EPHX2: variants seen among roughly 807,000 people sequenced by gnomAD.
The protein encoded by EPHX2 is bifunctional epoxide hydrolase 2.
Under a neutral mutation model 78.7 loss-of-function variants are expected in EPHX2, and 74 were observed. The ratio of observed to expected loss-of-function variants is 0.94; its 90% CI spans 0.78 to 1.14. The LOEUF is 1.14. Among genes scored for constraint, EPHX2 ranks in the 50% most tolerant of loss-of-function variants. EPHX2 has a pLI of 0.00. For missense variants in EPHX2, 715 were observed against 702.5 expected (o/e 1.02, Z -0.20); for synonymous variants, 251 against 255.2 (o/e 0.98, Z 0.16).
In EPHX2 at chr8:27,544,202, G is replaced by C; in HGVS notation, c.1547G>C (p.Arg516Thr). ...TCCTTTCAGATTCCCCACCTGAAAAGGGGACACATTGAGGACTGTGGGCAC... is the reference window on the plus strand; with the variant it reads ...TCCTTTCAGATTCCCCACCTGAAAACGGGACACATTGAGGACTGTGGGCAC... Reference protein sequence around the residue: ...HMEDWIPHLKRGHIEDCGHWT... With the variant: ...HMEDWIPHLKTGHIEDCGHWT... The change falls in exon 18 of 19, where the codon AGG becomes ACG. Residue 516 changes from arginine (R) to threonine (T), a missense_variant. Coordinates refer to ENST00000521400, the MANE Select transcript of EPHX2 (RefSeq NM_001979.6). 6.2e-7 allele frequency: 1 copy of C among 1,614,206 alleles called. No individual in the cohort carries two copies. The highest frequency in any genetic ancestry group is 8.5e-7 in the Non-Finnish European group (1 of 1,180,042).
intron 12 of EPHX2, among the ~76,000 whole-genome samples, chr8:27,531,875 G>C (rs1259042255): frequency 1.3e-5 from 2 of 152,174 alleles, no homozygotes; most frequent in African/African-American, 4.8e-5. Context: ...GAGCACAGGA[G>C]GCAATCCTGT....
rs1563362954 is a variant in EPHX2 at position 27,538,655 on chromosome 8, T to G, written c.1243-4T>G. On this transcript the variant is annotated splice_region_variant and splice_polypyrimidine_tract_variant and intron_variant, in intron 13 of 18. Coordinates refer to ENST00000521400, the MANE Select transcript of EPHX2 (RefSeq NM_001979.6). Reference sequence around the variant, plus strand: ...TTTGTAACTCTTTTCTTTTCTTCCTTCAGAGTGTTTTATCCATGCATAAAG... The same window carrying G: ...TTTGTAACTCTTTTCTTTTCTTCCTGCAGAGTGTTTTATCCATGCATAAAG... The G allele has an allele frequency of 6.2e-7, 1 of 1,611,052 alleles. No individual in the cohort carries two copies. The highest frequency in any genetic ancestry group is 8.5e-7 in the Non-Finnish European group (1 of 1,177,930).
chr8:27,506,957 C>G lies in EPHX2; in HGVS notation c.623C>G (p.Thr208Arg), dbSNP rs1347152892. Residue 208 changes from threonine to arginine, a missense_variant, in exon 5 of 19, where the codon ACG (threonine) becomes AGG (arginine). Physicochemically the swap from Thr to Arg is moderately conservative, Grantham distance 71. Transcript: ENST00000521400. ...ACCATCCTGGTCCAGGACACTGACA[C>G]GGCCCTGAAAGAACTGGAGAAAGTG... ...MVTILVQDTD[T>R]ALKELEKVTG... 1.2e-6 allele frequency: 2 copies of G among 1,614,054 alleles called. No homozygotes were observed.
Position 27,516,917 on chromosome 8 carries a change from C to CTTTTTTT in EPHX2, c.910+520_910+521insTTTTTTT, listed in dbSNP as rs145423911. 9.0e-5 allele frequency among the ~76,000 whole-genome samples: 13 copies of CTTTTTTT among 144,222 alleles called. 2 individuals are homozygous for CTTTTTTT. Among genetic ancestry groups the CTTTTTTT allele is most frequent in the African/African-American group, 1.1e-4 (4 of 37,330 alleles). 94.6% of individuals were successfully genotyped at this position (144,222 alleles called of 152,430 possible). ...TATAGACGGCACCACAATTTCCTTC[C>CTTTTTTT]TATTTTTTTTTTTTTTTTTTGAGAC... On this transcript the variant is annotated intron_variant, in intron 8 of 18. Coordinates refer to ENST00000521400, the MANE Select transcript of EPHX2 (RefSeq NM_001979.6).
intron 1 of EPHX2, among the ~76,000 whole-genome samples, chr8:27,495,727 C>G (rs753130675): frequency 2.6e-5 from 4 of 152,198 alleles, no homozygotes; most frequent in Non-Finnish European, 5.9e-5. Flanking sequence ...GTAAGGCCAG[C>G]CTTTTGCCAC....
chr8:27,500,995 G>C lies in EPHX2; in HGVS notation c.171G>C (p.Glu57Asp). The C allele has an allele frequency of 6.2e-7, 1 of 1,613,258 alleles. No homozygotes were observed. The highest frequency in any genetic ancestry group is 8.5e-7 in the Non-Finnish European group (1 of 1,179,616). ...CCACTACCCGGCTTATGAAAGGAGA[G>C]ATCACACTTTCCCAGGTGAGGGGAC... ...EGATTRLMKG[E>D]ITLSQWIPLM... is the part of the protein sequence containing the mutation. Residue 57 changes from glutamate to aspartate, a missense_variant, in exon 2 of 19, where the codon GAG (glutamate) becomes GAC (aspartate). Physicochemically the swap from Glu to Asp is conservative, Grantham distance 45. Transcript: ENST00000521400.
At position 27,505,090 on chromosome 8, in the gene EPHX2, C is replaced by G; in HGVS notation, c.481C>G (p.Pro161Ala). 1.2e-6 allele frequency: 2 copies of G among 1,608,580 alleles called. No individual in the cohort carries two copies. The highest frequency in any genetic ancestry group is 1.7e-6 in the Non-Finnish European group (2 of 1,176,882). The change falls in exon 4 of 19, where the codon CCT (proline) becomes GCT (alanine). Residue 161 changes from proline to alanine, a missense_variant. By Grantham distance (27) the Pro-to-Ala change is conservative. Coordinates refer to ENST00000521400, the MANE Select transcript of EPHX2 (RefSeq NM_001979.6). ...IESCQVGMVK[P>A]EPQIYKFLLD... ...GTCGTGTCAGGTGGGAATGGTCAAA[C>G]CTGAACCTCAGATCTACAAGTTTCT... is the stretch of plus-strand genomic sequence containing the variant.
chr8:27,492,750 C>T (rs1813426362), intron 1 of EPHX2: 1 of 167,386 alleles, frequency 6.0e-6, no homozygotes, highest in African/African-American at 2.4e-5. Context: ...TGATTGGCTA[C>T]TTTTAGAATG....
chr8:27,543,925 T>C (rs1815498466), intron 17 of EPHX2, 96 bp downstream of exon 17: 6 of 1,313,034 alleles, frequency 4.6e-6, no homozygotes, highest in African/African-American at 1.5e-5. Context: ...CACCTTGTCA[T>C]GTGGATAGGA....
chr8:27,504,838 A>G (rs1813934834), intron 3 of EPHX2, 118 bp from the exon 4 acceptor site: 2 of 1,022,126 alleles, frequency 2.0e-6, no homozygotes, highest in African/African-American at 3.2e-5. Context: ...TGGGCATAAG[A>G]GATTAATAAA....
At chr8:27,542,493 C>T (rs1243428192) in intron 16 of EPHX2, among the ~76,000 whole-genome samples, 1 of 152,134 alleles carries the variant, frequency 6.6e-6, no homozygotes, top group East Asian at 1.9e-4. Context: ...CTATTAGCTC[C>T]ATTAGTGTTC....
intron 11 of EPHX2, among the ~76,000 whole-genome samples, chr8:27,523,314 G>T (rs888710784): frequency 6.6e-6 from 1 of 152,182 alleles, no homozygotes; most frequent in Non-Finnish European, 1.5e-5. Context: ...GCATGTCATG[G>T]TCCCCACCAT....
chr8:27,540,439 A>T, intron 14 of EPHX2, 115 bp from the exon 15 acceptor site: 1 of 785,896 alleles, frequency 1.3e-6, no homozygotes. Context: ...AGATGGAGGC[A>T]CTCATAAGGC....
chr8:27,544,518 T>G lies in EPHX2; in HGVS notation c.1664T>G (p.Met555Arg), dbSNP rs779539300. The change falls in exon 19 of 19, where the codon ATG becomes AGG. Residue 555 changes from methionine to arginine, a missense_variant. Physicochemically the swap from Met to Arg is moderately conservative, Grantham distance 91 (BLOSUM62 -1). Transcript: ENST00000521400. ...CGGAACCCACCGGTGGTCTCAAAGA[T>G]GTAGAACGCAGCGTGTGCCCACGCT... The part of the protein sequence containing the change: ...DARNPPVVSK[M>R] The G allele has an allele frequency of 6.2e-6, 10 of 1,613,638 alleles. No homozygotes were observed. In the East Asian group the frequency reaches 2.2e-4, roughly 36 times the overall value.
chr8:27,543,600 C>T, intron 16 of EPHX2, 149 bp from the exon 17 acceptor site: 1 of 705,532 alleles, frequency 1.4e-6, no homozygotes. Context: ...TTTTAAAGAT[C>T]TCCAGTAATA....
chr8:27,525,145 T>G (rs1814797441), intron 11 of EPHX2, among the ~76,000 whole-genome samples: 3 of 148,300 alleles, frequency 2.0e-5, no homozygotes, highest in African/African-American at 5.0e-5. Flanking sequence ...TAAGGCAAGT[T>G]GGTGAGAAAT....
rs72473997 is a variant in EPHX2, at chr8:27,495,864, G to C, written c.101+4555G>C. ...AAGAGAAGTCTTGTCCTTTGGGAAG[G>C]CTTAAAGCTGGAGCTTGTACTAGGG... On this transcript the variant is annotated intron_variant, in intron 1 of 18. Coordinates refer to ENST00000521400, the MANE Select transcript of EPHX2 (RefSeq NM_001979.6). 4.3e-3 allele frequency among the ~76,000 whole-genome samples: 655 copies of C among 152,308 alleles called. 5 individuals are homozygous for C. Among genetic ancestry groups the C allele is most frequent in the African/African-American group, 0.015 (630 of 41,564 alleles).
chr8:27,515,881 C>T (rs557094811), intron 7 of EPHX2, 68 bp downstream of exon 7: 6 of 1,330,272 alleles, frequency 4.5e-6, no homozygotes, highest in African/African-American at 4.3e-5. Context: ...TGTGGTCCGA[C>T]GTGGACTGTC....
At chr8:27,514,028 T>C (rs1814350747) in intron 6 of EPHX2, among the ~76,000 whole-genome samples, 1 of 152,182 alleles carries the variant, frequency 6.6e-6, no homozygotes, top group African/African-American at 2.4e-5. Flanking sequence ...GAATAAAACT[T>C]TCTGTGGGGC....
Sources: allele counts gnomAD v4.1 joint callset (sites outside exome capture counted in the v4.1 genomes callset), GRCh38; gene constraint gnomAD v4.1.1; transcripts MANE v1.5; gene names NCBI Gene and HGNC (gene_info 2026-07-23, HGNC 2026-07-21).